The following MALRD1 variants were observed in gnomAD, a reference collection of about 807,000 sequenced individuals.
MALRD1 encodes the protein MAM and LDL-receptor class A domain-containing protein 1.
Under a neutral mutation model 242.1 loss-of-function variants are expected in MALRD1, and 247 were observed. The ratio of observed to expected loss-of-function variants is 1.02; its 90% CI spans 0.92 to 1.13. The LOEUF (loss-of-function observed/expected upper bound fraction) is 1.13, where lower values mean the gene tolerates loss of function less well. Among genes scored for constraint, MALRD1 ranks in the 50% most tolerant of loss-of-function variants. MALRD1 has a pLI of 0.00. For missense variants in MALRD1, 2,989 were observed against 2,533.1 expected, an observed-to-expected ratio of 1.18 and a Z score of -3.86; for synonymous variants, 995 against 866.6, an observed-to-expected ratio of 1.15 and a Z score of -2.60.
intron 36 of MALRD1, chr10:19,633,623 C>T (rs900822680): frequency 1.3e-5 from 2 of 152,094 alleles, no homozygotes; most frequent in East Asian, 3.9e-4. Context: ...GTTGAGGAGA[C>T]CCCAAAGTAA....
intron 24 of MALRD1, among the ~76,000 whole-genome samples, chr10:19,340,184 G>A (rs552395769): frequency 6.6e-6 from 1 of 152,230 alleles, no homozygotes; most frequent in South Asian, 2.1e-4. Context: ...TACATAAGAT[G>A]TTTTGATACA....
intron 38 of MALRD1, chr10:19,722,029 G>C (rs143647572): frequency 4.5e-4 from 68 of 152,366 alleles, no homozygotes; most frequent in African/African-American, 1.5e-3. Flanking sequence ...GCAGAGAGAA[G>C]TTAGTGGACT....
At chr10:19,498,954 A>T (rs1043075343) in intron 31 of MALRD1, among the ~76,000 whole-genome samples, 7 of 152,202 alleles carry the variant, frequency 4.6e-5, no homozygotes, top group Non-Finnish European at 8.8e-5. Context: ...CATTCAGATT[A>T]ATGATTGCAA....
At chr10:19,269,731 A>G (rs1471744537) in intron 19 of MALRD1, among the ~76,000 whole-genome samples, 3 of 152,214 alleles carry the variant, frequency 2.0e-5, no homozygotes, top group Non-Finnish European at 4.4e-5. Flanking sequence ...CTTCTCTTCA[A>G]TGCAAGACAT....
intron 32 of MALRD1, among the ~76,000 whole-genome samples, chr10:19,539,933 G>A (rs1445804747): frequency 1.4e-5 from 2 of 146,568 alleles, no homozygotes; most frequent in Non-Finnish European, 1.5e-5. Context: ...CGCAGTGATG[G>A]GGTTTTGCCA....
At chr10:19,341,633 TA>T (rs1564577454) in intron 24 of MALRD1, among the ~76,000 whole-genome samples, 1 of 150,862 alleles carries the variant, frequency 6.6e-6, no homozygotes, top group Admixed American at 6.6e-5. Context: ...CAGCAAAAAG[TA>T]AGGAAAAGTA....
At chr10:19,319,710 A>T in intron 21 of MALRD1, among the ~76,000 whole-genome samples, 1 of 151,776 alleles carries the variant, frequency 6.6e-6, no homozygotes, top group East Asian at 1.9e-4. Context: ...GGTAGAAGGG[A>T]CTTGCTAGCT....
intron 30 of MALRD1, among the ~76,000 whole-genome samples, chr10:19,493,768 G>T (rs572210692): frequency 6.6e-6 from 1 of 151,894 alleles, no homozygotes; most frequent in Non-Finnish European, 1.5e-5. Context: ...AGCTGAGATT[G>T]TACCACTGCA....
At chr10:19,082,284 A>T (rs1229310927) in intron 2 of MALRD1, among the ~76,000 whole-genome samples, 2 of 151,836 alleles carry the variant, frequency 1.3e-5, no homozygotes, top group East Asian at 3.9e-4. Context: ...ATATACAAAA[A>T]ATTTGATCTT....
intron 35 of MALRD1, among the ~76,000 whole-genome samples, chr10:19,610,265 C>T (rs1315804271): frequency 6.6e-6 from 1 of 151,814 alleles, no homozygotes. Context: ...TTGTAATATA[C>T]AATATCTTAA....
chr10:19,309,472 A>G (rs1275042103), intron 21 of MALRD1, among the ~76,000 whole-genome samples: 3 of 151,436 alleles, frequency 2.0e-5, no homozygotes, highest in African/African-American at 7.3e-5. Context: ...TAGTAGTGTT[A>G]TGGGCCACTA....
chr10:19,702,912 C>A (rs12256382), intron 38 of MALRD1, among the ~76,000 whole-genome samples: 14,047 of 152,134 alleles, frequency 0.092, 1,898 homozygotes, highest in African/African-American at 0.3. Context: ...TTGAAGTAAA[C>A]TTTTGTATTG....
intron 35 of MALRD1, among the ~76,000 whole-genome samples, chr10:19,611,778 T>G (rs1173390395): frequency 6.6e-6 from 1 of 152,058 alleles, no homozygotes; most frequent in Non-Finnish European, 1.5e-5. Context: ...TTGTGCCGTG[T>G]CTTTCTGTAT....
chr10:19,699,381 T>C (rs11816491), intron 38 of MALRD1, among the ~76,000 whole-genome samples: 3,911 of 151,484 alleles, frequency 0.026, 179 homozygotes, highest in African/African-American at 0.091. Flanking sequence ...ACGGAAGACG[T>C]GAAAGCTGGA....
intron 21 of MALRD1, 72 bp downstream of exon 21, chr10:19,283,253 A>G: frequency 2.4e-6 from 3 of 1,265,146 alleles, no homozygotes; most frequent in Middle Eastern, 2.0e-4. Context: ...TTCTGCCCCC[A>G]CCACCTTATC....
intron 36 of MALRD1, among the ~76,000 whole-genome samples, chr10:19,636,248 A>G (rs1006986505): frequency 1.1e-4 from 16 of 152,190 alleles, no homozygotes; most frequent in African/African-American, 1.7e-4. Flanking sequence ...AACTAGTTCT[A>G]TTAAGACAGG....
intron 5 of MALRD1, among the ~76,000 whole-genome samples, chr10:19,114,573 C>A (rs1019702314): frequency 4.0e-5 from 6 of 151,840 alleles, no homozygotes; most frequent in Admixed American, 2.0e-4. Flanking sequence ...TGAGCTGAGA[C>A]GGCACCACTG....
chr10:19,159,441 A>G (rs1041680144), intron 12 of MALRD1, among the ~76,000 whole-genome samples: 3 of 152,028 alleles, frequency 2.0e-5, no homozygotes, highest in African/African-American at 7.2e-5. Context: ...AAGCAGACTG[A>G]GGAAGGCATA....
At chr10:19,215,987 C>T (rs1420166954) in intron 18 of MALRD1, among the ~76,000 whole-genome samples, 1 of 151,600 alleles carries the variant, frequency 6.6e-6, no homozygotes, top group Non-Finnish European at 1.5e-5. Context: ...CCTATTCTGA[C>T]TTCAGTCAAT....
Sources: gnomAD v4.1 joint callset for allele counts (sites outside exome capture counted in the v4.1 genomes callset) on GRCh38, gnomAD v4.1.1 for gene constraint, MANE v1.5 for transcripts, NCBI Gene and HGNC (gene_info 2026-07-23, HGNC 2026-07-21) for gene names.